Variants in KAZN observed in about 807,000 individuals in gnomAD.
The protein encoded by KAZN is kazrin.
Under a neutral mutation model 87.4 loss-of-function variants are expected in KAZN, and 40 were observed. The observed-to-expected ratio is 0.46, with a 90% CI of 0.36 to 0.60. The LOEUF is 0.60. KAZN is among the 20% of genes least tolerant of loss of function. The probability of loss-of-function intolerance (pLI) is 0.00; values close to 1 mark genes in which losing one functional copy is unlikely to be tolerated. For synonymous variants in KAZN, 466 were observed against 458.3 expected, an observed-to-expected ratio of 1.02 and a Z score of -0.22; for missense variants, 898 against 1,073.9, an observed-to-expected ratio of 0.84 and a Z score of 2.29.
intron 1 of KAZN, among the ~76,000 whole-genome samples, chr1:14,846,064 C>T (rs1648718212): frequency 6.6e-6 from 1 of 152,160 alleles, no homozygotes; most frequent in Admixed American, 6.5e-5. Context: ...AGCATGGACT[C>T]TGTGCCAAGA....
At chr1:15,016,568 G>A (rs1670128063) in intron 2 of KAZN, among the ~76,000 whole-genome samples, 1 of 151,992 alleles carries the variant, frequency 6.6e-6, no homozygotes. Flanking sequence ...TTACAGGCAT[G>A]AGCCACCGTG....
chr1:14,161,215 A>G (rs539444694), intron 1 of KAZN, among the ~76,000 whole-genome samples: 1 of 152,346 alleles, frequency 6.6e-6, no homozygotes, highest in South Asian at 2.1e-4. Context: ...CTGTATAAGA[A>G]ATTACATCCA....
At chr1:14,852,548 C>T (rs1486713945) in intron 1 of KAZN, among the ~76,000 whole-genome samples, 1 of 152,198 alleles carries the variant, frequency 6.6e-6, no homozygotes, top group Non-Finnish European at 1.5e-5. Context: ...ACTGTCTAGG[C>T]TTGGTCAGCG....
chr1:14,521,404 A>G (rs534568587), intron 2 of KAZN, among the ~76,000 whole-genome samples: 1 of 152,220 alleles, frequency 6.6e-6, no homozygotes, highest in African/African-American at 2.4e-5. Context: ...CCAGAGCCAA[A>G]GTGAAAATTT....
chr1:15,032,107 C>T (rs1671771059), intron 2 of KAZN, among the ~76,000 whole-genome samples: 1 of 151,998 alleles, frequency 6.6e-6, no homozygotes, highest in African/African-American at 2.4e-5. Context: ...CTCCCCGATC[C>T]ACCCCCACAC....
At chr1:14,756,413 C>A (rs1315027792) in intron 1 of KAZN, among the ~76,000 whole-genome samples, 1 of 152,210 alleles carries the variant, frequency 6.6e-6, no homozygotes, top group African/African-American at 2.4e-5. Context: ...TTGTCTGATA[C>A]CGGGTGTCCC....
chr1:14,861,346 T>C (rs1484531775), intron 1 of KAZN, among the ~76,000 whole-genome samples: 1 of 152,132 alleles, frequency 6.6e-6, no homozygotes, highest in Non-Finnish European at 1.5e-5. Flanking sequence ...ACCACTGCAC[T>C]CCAGCTTGGG....
chr1:14,176,351 G>GTGTA (rs1479056067), intron 1 of KAZN, among the ~76,000 whole-genome samples: 1 of 152,196 alleles, frequency 6.6e-6, no homozygotes, highest in Non-Finnish European at 1.5e-5. Context: ...AGCGATGAGA[G>GTGTA]TGTAGGTGGT....
intron 2 of KAZN, among the ~76,000 whole-genome samples, chr1:14,465,398 C>CA (rs71572107): frequency 0.015 from 1,275 of 84,742 alleles, 58 homozygotes; most frequent in African/African-American, 0.04. Flanking sequence ...GACTCTGTCT[C>CA]AAAAAAAAAA....
chr1:15,066,340 GCCCCCCT>G lies in KAZN; in HGVS notation c.1222+588_1222+594del. ...GTCTGTTTTTGATGTCCCCCCTCCC[GCCCCCCT>G]GGTGTGAACGTGTGGGACCAGACCC... On this transcript the variant is annotated intron_variant, in intron 8 of 14. Coordinates refer to ENST00000376030, the MANE Select transcript of KAZN (RefSeq NM_201628.3). The surrounding 1 kb of genome is among the most constrained non-coding windows in gnomAD (Gnocchi z 4.3). 1.1e-6 allele frequency: 1 copy of G among 948,168 alleles called. No individual in the cohort carries two copies. The allele number at this position is 948,168 out of a possible 1,614,324, so 58.7% of individuals were successfully genotyped here.
intron 2 of KAZN, among the ~76,000 whole-genome samples, chr1:14,417,371 G>A (rs563985303): frequency 2.0e-5 from 3 of 152,218 alleles, no homozygotes; most frequent in South Asian, 2.1e-4. Context: ...GAGGTTCTTC[G>A]CCATTTCTCT....
chr1:14,857,875 A>G (rs1263316311), intron 1 of KAZN, among the ~76,000 whole-genome samples: 1 of 152,002 alleles, frequency 6.6e-6, no homozygotes, highest in African/African-American at 2.4e-5. Flanking sequence ...AAAGAGTACA[A>G]TTCACACTCA....
intron 1 of KAZN, among the ~76,000 whole-genome samples, chr1:14,658,206 G>A (rs1572154618): frequency 6.6e-6 from 1 of 152,166 alleles, no homozygotes; most frequent in African/African-American, 2.4e-5. Flanking sequence ...AGCTGGAGCG[G>A]GACCTGCCAC....
intron 1 of KAZN, among the ~76,000 whole-genome samples, chr1:14,925,227 C>T (rs1426199329): frequency 2.0e-5 from 3 of 152,200 alleles, no homozygotes; most frequent in Admixed American, 2.0e-4. Context: ...CCTGCGCTAT[C>T]TCCCTTCCCC....
intron 2 of KAZN, among the ~76,000 whole-genome samples, chr1:14,474,642 A>G (rs1668622836): frequency 6.6e-6 from 1 of 152,222 alleles, no homozygotes; most frequent in African/African-American, 2.4e-5. Flanking sequence ...AAATACAATG[A>G]CAATATATTT....
chr1:14,915,085 G>A (rs550444147), intron 1 of KAZN, among the ~76,000 whole-genome samples: 1 of 152,290 alleles, frequency 6.6e-6, no homozygotes, highest in South Asian at 2.1e-4. Context: ...TACTCGGGAG[G>A]CTGAGGCAGG....
intron 1 of KAZN, among the ~76,000 whole-genome samples, chr1:14,690,348 T>G (rs1391936256): frequency 6.6e-6 from 1 of 152,166 alleles, no homozygotes; most frequent in African/African-American, 2.4e-5. Flanking sequence ...GCCCCAGATT[T>G]AGGGAGGCCA....
intron 2 of KAZN, among the ~76,000 whole-genome samples, chr1:14,969,000 T>C (rs1418965800): frequency 6.6e-6 from 1 of 152,214 alleles, no homozygotes; most frequent in Non-Finnish European, 1.5e-5. Flanking sequence ...GCATTCCTGC[T>C]TCAAGGAGTT....
chr1:14,002,205 G>A (rs533597942), intron 1 of KAZN, among the ~76,000 whole-genome samples: 7 of 152,218 alleles, frequency 4.6e-5, no homozygotes, highest in East Asian at 1.9e-4. Context: ...TGAACAGACC[G>A]TTCTCAAAAG....
Sources: gnomAD v4.1 joint callset for allele counts (sites outside exome capture counted in the v4.1 genomes callset) on GRCh38, gnomAD v4.1.1 for gene constraint, Gnocchi (gnomAD v3.1) non-coding constraint, MANE v1.5 for transcripts, NCBI Gene and HGNC (gene_info 2026-07-23, HGNC 2026-07-21) for gene names.